IGSF22: variants seen among roughly 807,000 people sequenced by gnomAD.
IGSF22 encodes the protein immunoglobulin superfamily, member 22.
In IGSF22, 119 loss-of-function variants were observed where a neutral mutation model predicts 127.0. The observed-to-expected ratio is 0.94, with a 90% CI of 0.81 to 1.09. The LOEUF is 1.09. Ranked by LOEUF, IGSF22 falls within the 50% of genes least tolerant of loss-of-function variation. The pLI, the probability that IGSF22 is intolerant of heterozygous loss-of-function variation, is 0.00. For synonymous variants in IGSF22, 568 were observed against 664.7 expected (o/e 0.85, Z 2.24); for missense variants, 1,518 against 1,716.6 (o/e 0.88, Z 2.04).
In IGSF22 at chr11:18,721,565, G is replaced by A. The variant is rs772149582; in HGVS notation, c.348C>T (p.Tyr116=). The change falls in exon 4 of 23, where the codon TAC becomes TAT. Residue 116 remains tyrosine, a synonymous_variant. Coordinates refer to ENST00000513874, the MANE Select transcript of IGSF22 (RefSeq NM_173588.4). ...GCACGTGTTCCTTGTTAATGCTGTC[G>A]TAGAATATCTTGGCGGACTCCTTGA... ...IPIKESAKIF[Y]DSINKEHVLK... is the part of the protein sequence containing the mutation. 4.3e-6 allele frequency: 7 copies of A among 1,614,144 alleles called. No homozygotes were observed. In the African/African-American group the frequency reaches 8.0e-5, roughly 18 times the overall value.
intron 2 of IGSF22, 59 bp downstream of exon 2, chr11:18,724,069 G>A (rs944970108): frequency 1.4e-6 from 2 of 1,384,436 alleles, no homozygotes; most frequent in African/African-American, 1.4e-5. Context: ...CCCAAGGGAT[G>A]GGTGTGGAGG....
chr11:18,710,430 G>T lies in IGSF22; in HGVS notation c.2598C>A (p.Leu866=). ...IQGTKCTVDG[L]LEDTEYEFRV... Reference sequence around the variant, plus strand: ...GGAATTCATATTCTGTGTCCTCCAGGAGACCATCCACAGTGCACTTGGTGC... The same window carrying T: ...GGAATTCATATTCTGTGTCCTCCAGTAGACCATCCACAGTGCACTTGGTGC... The change falls in exon 17 of 23, where the codon CTC becomes CTA. Residue 866 remains leucine (L), a synonymous_variant. Transcript: ENST00000513874. 1 of 1,614,196 alleles carries T rather than the reference G, an allele frequency of 6.2e-7. No homozygotes were observed. The highest frequency in any genetic ancestry group is 8.5e-7 in the Non-Finnish European group (1 of 1,180,040).
chr11:18,714,684 G>A, intron 11 of IGSF22, 60 bp from the exon 12 acceptor site: 1 of 1,597,286 alleles, frequency 6.3e-7, no homozygotes, highest in Non-Finnish European at 8.5e-7. Flanking sequence ...GGACTTCTGG[G>A]AAAAGGGCTG....
chr11:18,708,038 A>C (rs370262855), intron 19 of IGSF22, 42 bp from the exon 20 acceptor site: 1 of 1,607,528 alleles, frequency 6.2e-7, no homozygotes, highest in Admixed American at 1.7e-5. Flanking sequence ...CACACAGATG[A>C]TATTTGGGGG....
At chr11:18,719,604 A>G in intron 7 of IGSF22, 112 bp downstream of exon 7, 1 of 997,232 alleles carries the variant, frequency 1.0e-6, no homozygotes, top group South Asian at 1.6e-5. Context: ...GCCTCTGAGT[A>G]TGTGTGTGCA....
intron 11 of IGSF22, among the ~76,000 whole-genome samples, 167 bp downstream of exon 11, chr11:18,715,265 A>C (rs1208794399): frequency 1.3e-4 from 20 of 151,828 alleles, no homozygotes; most frequent in Admixed American, 1.3e-3. Context: ...GAGAGGTCAG[A>C]GATGGTCAGA....
intron 14 of IGSF22, among the ~76,000 whole-genome samples, 180 bp downstream of exon 14, chr11:18,713,672 G>A (rs1056688913): frequency 1.5e-4 from 23 of 152,234 alleles, no homozygotes; most frequent in Admixed American, 2.6e-4. Context: ...AGGTTCACTC[G>A]GCCAAGAACT....
At position 18,718,000 on chromosome 11, in the gene IGSF22, T is replaced by C. The variant is rs761653789; in HGVS notation, c.904A>G (p.Met302Val). 5 of 1,614,122 alleles carry C rather than the reference T, an allele frequency of 3.1e-6. No individual in the cohort carries two copies. The highest frequency in any genetic ancestry group is 2.2e-5 in the East Asian group (1 of 44,900). ...AGGCTGTAGATGCCAGCATCGTTCATGTTCACGTTGCTAATAACCAGCATG... is the reference window on the plus strand; with the variant it reads ...AGGCTGTAGATGCCAGCATCGTTCACGTTCACGTTGCTAATAACCAGCATG... ...KYMLVISNVN[M>V]NDAGIYSLSV... is the part of the protein sequence containing the mutation. The change falls in exon 9 of 23, where the codon ATG becomes GTG. Residue 302 changes from methionine (M) to valine (V), a missense_variant. Coordinates refer to ENST00000513874, the MANE Select transcript of IGSF22 (RefSeq NM_173588.4).
Position 18,718,004 on chromosome 11 carries a change from C to T in IGSF22, c.900G>A (p.Val300=). Reference sequence around the variant, plus strand: ...TGTAGATGCCAGCATCGTTCATGTTCACGTTGCTAATAACCAGCATGTACT... The same window carrying T: ...TGTAGATGCCAGCATCGTTCATGTTTACGTTGCTAATAACCAGCATGTACT... ...GTKYMLVISN[V]NMNDAGIYSL... Residue 300 remains valine (V), a synonymous_variant, in exon 9 of 23, where the codon GTG becomes GTA. Transcript: ENST00000513874. 1 of 1,614,214 alleles carries T rather than the reference C, an allele frequency of 6.2e-7. No individual in the cohort carries two copies. Among genetic ancestry groups the T allele is most frequent in the Non-Finnish European group, 8.5e-7 (1 of 1,180,032 alleles).
In IGSF22 at chr11:18,706,018, G is replaced by A. The variant is rs768533978; in HGVS notation, c.3709C>T (p.Leu1237Phe). 40 of 1,551,554 alleles carry A rather than the reference G, an allele frequency of 2.6e-5. No homozygotes were observed. Among genetic ancestry groups the A allele is most frequent in the Non-Finnish European group, 3.2e-5 (37 of 1,146,980 alleles). Reference sequence around the variant, plus strand: ...GTCACTGTGGGCCGCGGGTTCCCAAGGAAGGCGCAGGTCATGGTGCAGTCC... The same window carrying A: ...GTCACTGTGGGCCGCGGGTTCCCAAAGAAGGCGCAGGTCATGGTGCAGTCC... ...GQDCTMTCAF[L>F]GNPRPTVTLY... Residue 1237 changes from leucine to phenylalanine, a missense_variant, in exon 22 of 23, where the codon CTT becomes TTT. Coordinates refer to ENST00000513874, the MANE Select transcript of IGSF22 (RefSeq NM_173588.4).
At position 18,718,623 on chromosome 11, in the gene IGSF22, A is replaced by G. The variant is rs374386795; in HGVS notation, c.802T>C (p.Trp268Arg). The G allele has an allele frequency of 2.0e-5, 32 of 1,598,898 alleles. No individual in the cohort carries two copies. In the African/African-American group the frequency reaches 3.4e-4, roughly 17 times the overall value. The change falls in exon 8 of 23, where the codon TGG (tryptophan) becomes CGG (arginine). Residue 268 changes from tryptophan (W) to arginine (R), a missense_variant. Physicochemically the swap from Trp to Arg is moderately radical, Grantham distance 101. This residue lies in a region of IGSF22 where 1,456 missense variants were observed against 1,644.9 expected (regional missense o/e 0.89). Transcript: ENST00000513874. ...ELKDPNVKMI[W>R]IKGTEPLRIQ... ...GGCTAGGCATCCCCCACCTTGATCC[A>G]TATCATCTTGACATTGGGGTCTTTC... is the stretch of plus-strand genomic sequence containing the variant.
At position 18,713,888 on chromosome 11, in the gene IGSF22, C is replaced by T. The variant is rs754572767; in HGVS notation, c.2059G>A (p.Gly687Ser). 20 of 1,614,060 alleles carry T rather than the reference C, an allele frequency of 1.2e-5. No individual in the cohort carries two copies. Among genetic ancestry groups the T allele is most frequent in the South Asian group, 8.8e-5 (8 of 91,076 alleles). ...LILLKLKNDH[G>S]SATATLHLSV... ...AGGTGCAGAGTGGCCGTGGCTGAGC[C>T]GTGGTCATTCTTGAGCTTGAGCAGG... Residue 687 changes from glycine to serine, a missense_variant, in exon 14 of 23, where the codon GGC becomes AGC. Physicochemically the swap from Gly to Ser is moderately conservative, Grantham distance 56. Transcript: ENST00000513874.
chr11:18,717,090 C>T (rs764361140), intron 9 of IGSF22, 90 bp from the exon 10 acceptor site: 66 of 1,433,022 alleles, frequency 4.6e-5, no homozygotes, highest in Non-Finnish European at 5.8e-5. Flanking sequence ...CACTGGCCTC[C>T]TGTAGCCCAT....
chr11:18,720,363 C>CTT, intron 4 of IGSF22, 78 bp from the exon 5 acceptor site: 73 of 845,642 alleles, frequency 8.6e-5, no homozygotes, highest in Non-Finnish European at 1.0e-4. Context: ...GGTAGGAGGC[C>CTT]TTTTTTTTTT....
chr11:18,710,235 C>A (rs1377812028), intron 17 of IGSF22, 92 bp downstream of exon 17: 2 of 1,524,118 alleles, frequency 1.3e-6, no homozygotes, highest in Non-Finnish European at 1.8e-6. Context: ...ACTGTGATAC[C>A]TCGTGTCATA....
intron 14 of IGSF22, among the ~76,000 whole-genome samples, chr11:18,713,151 CTTTT>C (rs11364796): frequency 7.7e-5 from 9 of 117,594 alleles, no homozygotes; most frequent in African/African-American, 9.9e-5. Context: ...GTTGTTGTTT[CTTTT>C]TTTTTTTTTT....
At chr11:18,725,263 G>A (rs894825208) in intron 1 of IGSF22, among the ~76,000 whole-genome samples, 2 of 152,052 alleles carry the variant, frequency 1.3e-5, no homozygotes, top group African/African-American at 4.8e-5. Flanking sequence ...CAGCAGCTGG[G>A]TTTACAGGCA....
At position 18,714,218 on chromosome 11, in the gene IGSF22, A is replaced by G; in HGVS notation, c.1798+59T>C. The G allele has an allele frequency of 2.5e-6, 4 of 1,594,320 alleles. No individual in the cohort carries two copies. The South Asian group carries it at 4.6e-5, about 18-fold the overall frequency. On this transcript the variant is annotated intron_variant, in intron 13 of 22. Coordinates refer to ENST00000513874, the MANE Select transcript of IGSF22 (RefSeq NM_173588.4). ...GAGCCCATGGGGCGGGGGAGAAGCC[A>G]TGAGCTTGTAGGTGGGCCAGGCATG...
intron 22 of IGSF22, 176 bp downstream of exon 22, chr11:18,705,641 A>G: frequency 3.2e-6 from 2 of 620,486 alleles, no homozygotes; most frequent in Non-Finnish European, 5.6e-6. Context: ...GCATATAACA[A>G]ATGACATCGA....
Sources: allele counts gnomAD v4.1 joint callset (sites outside exome capture counted in the v4.1 genomes callset), GRCh38; gene constraint gnomAD v4.1.1; regional missense constraint gnomAD v4.1.1; transcripts MANE v1.5; gene names NCBI Gene and HGNC (gene_info 2026-07-23, HGNC 2026-07-21).